The following EHMT1 variants were observed in gnomAD, a reference collection of about 807,000 sequenced individuals.
The protein encoded by EHMT1 is histone-lysine N-methyltransferase EHMT1.
A neutral mutation model predicts 147.2 loss-of-function variants in EHMT1; 15 were observed. The observed-to-expected ratio is 0.10, with a 90% CI of 0.07 to 0.16. The LOEUF (loss-of-function observed/expected upper bound fraction) is 0.16, where lower values mean the gene tolerates loss of function less well. Ranked by LOEUF, EHMT1 falls within the 10% of genes least tolerant of loss-of-function variation. The pLI is 1.00. For synonymous variants in EHMT1, 795 were observed against 709.6 expected, an observed-to-expected ratio of 1.12 and a Z score of -1.91; for missense variants, 1,587 against 1,772.4, an observed-to-expected ratio of 0.90 and a Z score of 1.88.
chr9:137,626,684 C>T (rs1052908315), intron 1 of EHMT1, among the ~76,000 whole-genome samples: 7 of 152,070 alleles, frequency 4.6e-5, no homozygotes, highest in Non-Finnish European at 8.8e-5. Context: ...GCGAATAAAG[C>T]ACTCACCATG....
At chr9:137,642,881 A>C (rs1026858116) in intron 1 of EHMT1, among the ~76,000 whole-genome samples, 1 of 152,024 alleles carries the variant, frequency 6.6e-6, no homozygotes, top group Non-Finnish European at 1.5e-5. Flanking sequence ...TCTTGATTGC[A>C]TTCCCCTCCC....
intron 1 of EHMT1, among the ~76,000 whole-genome samples, chr9:137,689,221 T>G (rs1179346745): frequency 6.6e-6 from 1 of 152,182 alleles, no homozygotes; most frequent in African/African-American, 2.4e-5. Flanking sequence ...AAGCTACAGT[T>G]TTCTTTGGTC....
intron 1 of EHMT1, among the ~76,000 whole-genome samples, chr9:137,690,752 C>T (rs746604012): frequency 6.6e-6 from 1 of 152,052 alleles, no homozygotes; most frequent in Non-Finnish European, 1.5e-5. Flanking sequence ...TTAAACATTC[C>T]CGTGTTGGTG....
chr9:137,723,685 C>G (rs1946314930), intron 3 of EHMT1, among the ~76,000 whole-genome samples: 1 of 152,228 alleles, frequency 6.6e-6, no homozygotes, highest in Non-Finnish European at 1.5e-5. Context: ...TTCCTGCCAC[C>G]CCAAACCCAA....
At chr9:137,767,633 G>A (rs1028814425) in intron 10 of EHMT1, among the ~76,000 whole-genome samples, 1 of 152,100 alleles carries the variant, frequency 6.6e-6, no homozygotes, top group Non-Finnish European at 1.5e-5. Context: ...GCCAACATGG[G>A]GAAATCCAGT....
rs142727972 is a variant in EHMT1, at chr9:137,743,479, C to T, written c.932C>T (p.Thr311Met). ...AAGACCAAAGTATTAAAACAGAGGA[C>T]GGTGATTGAGATGTTTAAGAGCATA... ...KKKTKVLKQR[T>M]VIEMFKSITH... is the part of the protein sequence containing the mutation. Residue 311 changes from threonine (T) to methionine (M), a missense_variant, in exon 5 of 27, where the codon ACG (threonine) becomes ATG (methionine). Transcript: ENST00000460843. 5.7e-5 allele frequency: 92 copies of T among 1,613,684 alleles called. No individual in the cohort carries two copies. In the African/African-American group the frequency reaches 9.5e-4, roughly 17 times the overall value.
intron 1 of EHMT1, among the ~76,000 whole-genome samples, chr9:137,629,124 C>T (rs1174840682): frequency 4.0e-5 from 6 of 149,208 alleles, no homozygotes; most frequent in Non-Finnish European, 5.9e-5. Context: ...TGGAGTTTCG[C>T]TCTCGTTGCC....
intron 23 of EHMT1, chr9:137,816,476 A>G (rs1954928208): frequency 3.1e-6 from 1 of 323,118 alleles, no homozygotes; most frequent in Non-Finnish European, 6.0e-6. Flanking sequence ...TGATGTCCCA[A>G]CGCTTCTCAG....
rs368743632 is a variant in EHMT1 at position 137,716,768 on chromosome 9, C to T, written c.228C>T (p.Ser76=). 1.3e-5 allele frequency: 21 copies of T among 1,612,918 alleles called. No individual in the cohort carries two copies. Among genetic ancestry groups the T allele is most frequent in the Middle Eastern group, 1.6e-4 (1 of 6,080 alleles). Residue 76 remains serine, a synonymous_variant, in exon 3 of 27, where the codon AGC becomes AGT. Transcript: ENST00000460843. ...ATGCTGCAAAGCACACTCAGGACAG[C>T]GCAAGGGTCAACCCCCAGGATGGCA... ...HANAAKHTQD[S]ARVNPQDGTN...
chr9:137,640,098 C>A (rs2133795921), intron 1 of EHMT1, among the ~76,000 whole-genome samples: 1 of 152,224 alleles, frequency 6.6e-6, no homozygotes, highest in South Asian at 2.1e-4. Flanking sequence ...CTGTGCCCGG[C>A]TAAGTTTTAT....
At chr9:137,671,046 C>T (rs1392282060) in intron 1 of EHMT1, among the ~76,000 whole-genome samples, 1 of 152,158 alleles carries the variant, frequency 6.6e-6, no homozygotes, top group African/African-American at 2.4e-5. Context: ...GAGGGCTGTC[C>T]CGGGCCGTGA....
At chr9:137,780,801 G>A (rs1254784398) in intron 14 of EHMT1, among the ~76,000 whole-genome samples, 1 of 95,672 alleles carries the variant, frequency 1.0e-5, no homozygotes, top group Non-Finnish European at 2.0e-5. Context: ...TGGTGATGAC[G>A]GCATCTCACT....
chr9:137,833,839 T>C (rs758204174), intron 25 of EHMT1, among the ~76,000 whole-genome samples: 7 of 152,240 alleles, frequency 4.6e-5, no homozygotes, highest in Non-Finnish European at 8.8e-5. Flanking sequence ...CGGTCCTCCC[T>C]GGTGCCATTC....
At chr9:137,818,266 C>T in intron 25 of EHMT1, 128 bp downstream of exon 25, 2 of 1,042,302 alleles carry the variant, frequency 1.9e-6, no homozygotes, top group South Asian at 1.3e-5. Flanking sequence ...TTGCTATAGA[C>T]CTGCTGAGTG....
At chr9:137,752,147 C>T (rs565973377) in intron 6 of EHMT1, among the ~76,000 whole-genome samples, 184 bp from the exon 7 acceptor site, 7 of 152,324 alleles carry the variant, frequency 4.6e-5, no homozygotes, top group Non-Finnish European at 7.3e-5. Flanking sequence ...GACCAGCACT[C>T]GGTCACCCCA....
chr9:137,742,477 C>G (rs1207281204), intron 4 of EHMT1, among the ~76,000 whole-genome samples: 1 of 152,058 alleles, frequency 6.6e-6, no homozygotes, highest in African/African-American at 2.4e-5. Context: ...TGGATTTTCC[C>G]CATCCCTTTA....
At chr9:137,646,030 C>G (rs1844857498) in intron 1 of EHMT1, among the ~76,000 whole-genome samples, 1 of 152,002 alleles carries the variant, frequency 6.6e-6, no homozygotes, top group Non-Finnish European at 1.5e-5. Context: ...GTGATCTCAG[C>G]TCACTGCAGC....
chr9:137,629,007 G>T (rs1370255974), intron 1 of EHMT1, among the ~76,000 whole-genome samples: 1 of 151,814 alleles, frequency 6.6e-6, no homozygotes, highest in African/African-American at 2.4e-5. Context: ...ATGGTTGATG[G>T]ATTACTTTAT....
intron 2 of EHMT1, among the ~76,000 whole-genome samples, chr9:137,715,388 T>G (rs537309132): frequency 2.0e-5 from 3 of 152,250 alleles, no homozygotes; most frequent in Non-Finnish European, 4.4e-5. Context: ...CCAGGCCTCG[T>G]TCATGTGCTC....
Sources: gnomAD v4.1 joint callset for allele counts (sites outside exome capture counted in the v4.1 genomes callset) on GRCh38, gnomAD v4.1.1 for gene constraint, MANE v1.5 for transcripts, NCBI Gene and HGNC (gene_info 2026-07-23, HGNC 2026-07-21) for gene names.